LSAMP: variants seen among roughly 807,000 people sequenced by gnomAD.
The protein encoded by LSAMP is limbic system-associated membrane protein.
Under a neutral mutation model 38.6 loss-of-function variants are expected in LSAMP, and 7 were observed. That is an observed-to-expected ratio of 0.18 (90% CI 0.10 to 0.34). The LOEUF is 0.34. Ranked by LOEUF, LSAMP falls within the 10% of genes least tolerant of loss-of-function variation. The probability of loss-of-function intolerance (pLI) is 1.00; values close to 1 mark genes in which losing one functional copy is unlikely to be tolerated. For missense variants in LSAMP, 313 were observed against 420.0 expected, an observed-to-expected ratio of 0.75 and a Z score of 2.23; for synonymous variants, 154 against 166.8, an observed-to-expected ratio of 0.92 and a Z score of 0.59.
At chr3:116,374,737 A>T (rs572007051) in intron 1 of LSAMP, among the ~76,000 whole-genome samples, 21 of 151,980 alleles carry the variant, frequency 1.4e-4, no homozygotes, top group Admixed American at 9.2e-4. Flanking sequence ...TTATTGATGT[A>T]TTTTTGGTGC....
At chr3:115,813,765 A>G (rs1933919904) in intron 6 of LSAMP, among the ~76,000 whole-genome samples, 1 of 152,332 alleles carries the variant, frequency 6.6e-6, no homozygotes, top group Non-Finnish European at 1.5e-5. Flanking sequence ...ATTTCAGGGA[A>G]GAATAATCAG....
chr3:116,188,728 C>G (rs1158533997), intron 1 of LSAMP, among the ~76,000 whole-genome samples: 1 of 152,120 alleles, frequency 6.6e-6, no homozygotes, highest in Non-Finnish European at 1.5e-5. Flanking sequence ...ATTTCTTGAG[C>G]TTCTACTATA....
At chr3:116,036,232 CAG>C (rs1454813662) in intron 2 of LSAMP, among the ~76,000 whole-genome samples, 2 of 152,188 alleles carry the variant, frequency 1.3e-5, no homozygotes, top group African/African-American at 4.8e-5. Flanking sequence ...GATGTCCTCT[CAG>C]AGTCCCTCAT....
At chr3:116,078,494 T>A (rs1707800236) in intron 2 of LSAMP, among the ~76,000 whole-genome samples, 1 of 151,570 alleles carries the variant, frequency 6.6e-6, no homozygotes, top group Non-Finnish European at 1.5e-5. Flanking sequence ...CCCAGCTAAG[T>A]TTTTTGTATT....
chr3:116,229,203 C>T (rs997204535), intron 1 of LSAMP, among the ~76,000 whole-genome samples: 3 of 151,576 alleles, frequency 2.0e-5, no homozygotes, highest in Non-Finnish European at 4.4e-5. Flanking sequence ...GAAAAACAAA[C>T]AAAAATACTT....
intron 1 of LSAMP, among the ~76,000 whole-genome samples, chr3:116,108,595 CAAG>C (rs1212614940): frequency 3.3e-5 from 5 of 152,154 alleles, no homozygotes; most frequent in African/African-American, 7.2e-5. Context: ...GCCGCTAAGC[CAAG>C]AAGATCTGGG....
Position 116,440,548 on chromosome 3 carries a change from G to A in LSAMP, c.155+4329C>T, listed in dbSNP as rs115927977. 3.5e-3 allele frequency among the ~76,000 whole-genome samples: 540 copies of A among 152,232 alleles called. 5 individuals are homozygous for A. Among genetic ancestry groups the A allele is most frequent in the African/African-American group, 0.012 (518 of 41,540 alleles). On this transcript the variant is annotated intron_variant, in intron 1 of 6. Transcript: ENST00000490035. ...TATGTCCCATACTTACAGAAACACA[G>A]GTGGCCACAATTTGCTTTTCTTGCG...
chr3:116,337,377 C>T (rs564857247), intron 1 of LSAMP, among the ~76,000 whole-genome samples: 17 of 151,978 alleles, frequency 1.1e-4, no homozygotes, highest in Non-Finnish European at 2.4e-4. Flanking sequence ...AATTTGATAT[C>T]TGTTCGAACC....
intron 1 of LSAMP, among the ~76,000 whole-genome samples, chr3:116,435,098 A>G (rs760114052): frequency 6.6e-6 from 1 of 152,180 alleles, no homozygotes; most frequent in Admixed American, 6.5e-5. Context: ...GAGCTAGACC[A>G]GGTTTTATGA....
chr3:116,253,990 A>AT (rs779798585), intron 1 of LSAMP, among the ~76,000 whole-genome samples: 4 of 152,186 alleles, frequency 2.6e-5, no homozygotes, highest in Non-Finnish European at 5.9e-5. Context: ...CTGCAGTTCC[A>AT]TGATGGTCTT....
At chr3:116,359,999 T>A (rs377628638) in intron 1 of LSAMP, 1 of 153,278 alleles carries the variant, frequency 6.5e-6, no homozygotes, top group African/African-American at 2.4e-5. Context: ...AAAGAACTTC[T>A]GGAGGAGCCA....
intron 1 of LSAMP, among the ~76,000 whole-genome samples, chr3:116,180,209 C>G (rs1710451668): frequency 6.6e-6 from 1 of 152,046 alleles, no homozygotes; most frequent in African/African-American, 2.4e-5. Context: ...ACAGTCTCTG[C>G]TCTCATGGAA....
intron 1 of LSAMP, among the ~76,000 whole-genome samples, chr3:116,200,557 C>T (rs572888102): frequency 2.6e-5 from 4 of 152,264 alleles, no homozygotes; most frequent in Non-Finnish European, 5.9e-5. Flanking sequence ...AGCTCATGAC[C>T]CCAAACAGGA....
intron 1 of LSAMP, among the ~76,000 whole-genome samples, chr3:116,349,272 G>A (rs1576151168): frequency 6.6e-6 from 1 of 151,896 alleles, no homozygotes; most frequent in African/African-American, 2.4e-5. Flanking sequence ...AAAACAACTG[G>A]CTATCCATCA....
At chr3:116,227,954 A>G (rs980749575) in intron 1 of LSAMP, among the ~76,000 whole-genome samples, 1 of 152,144 alleles carries the variant, frequency 6.6e-6, no homozygotes, top group African/African-American at 2.4e-5. Flanking sequence ...GGCCGTAACT[A>G]TTTAAATGCA....
At position 116,370,215 on chromosome 3, in the gene LSAMP, T is replaced by C. The variant is rs992849311; in HGVS notation, c.155+74662A>G. 5.3e-5 allele frequency: 8 copies of C among 152,264 alleles called. No homozygotes were observed. In the East Asian group the frequency reaches 1.4e-3, roughly 26 times the overall value. 9.4% of individuals were successfully genotyped at this position (152,264 alleles called of 1,614,324 possible). On this transcript the variant is annotated intron_variant, in intron 1 of 6. Transcript: ENST00000490035. Reference sequence around the variant, plus strand: ...TTGGGGAATAAAAGGGAAAAGATGTTTGAGGGAACATAAAACAGAAGACAT... The same window carrying C: ...TTGGGGAATAAAAGGGAAAAGATGTCTGAGGGAACATAAAACAGAAGACAT...
intron 1 of LSAMP, among the ~76,000 whole-genome samples, chr3:116,094,290 CT>C (rs1425542158): frequency 2.0e-5 from 3 of 152,194 alleles, no homozygotes; most frequent in African/African-American, 7.2e-5. Context: ...AAAGCTTCAG[CT>C]CCTTACCTTC....
intron 3 of LSAMP, among the ~76,000 whole-genome samples, chr3:115,911,938 T>C (rs372972303): frequency 6.6e-6 from 1 of 152,248 alleles, no homozygotes; most frequent in East Asian, 1.9e-4. Context: ...CGGCTAGTGA[T>C]GTTAAACATC....
At chr3:116,014,562 T>C (rs921545313) in intron 3 of LSAMP, among the ~76,000 whole-genome samples, 1 of 152,194 alleles carries the variant, frequency 6.6e-6, no homozygotes, top group African/African-American at 2.4e-5. Context: ...CTCTTTTGAA[T>C]GTTACTGCAT....
Sources: gnomAD v4.1 joint callset for allele counts (sites outside exome capture counted in the v4.1 genomes callset) on GRCh38, gnomAD v4.1.1 for gene constraint, MANE v1.5 for transcripts, NCBI Gene and HGNC (gene_info 2026-07-23, HGNC 2026-07-21) for gene names.